MIS18BP1: variants seen among roughly 807,000 people sequenced by gnomAD.
The protein encoded by MIS18BP1 is mis18-binding protein 1.
MIS18BP1 carries 72 observed loss-of-function variants against 116.1 expected under a neutral mutation model. The ratio of observed to expected loss-of-function variants is 0.62; its 90% confidence interval spans 0.51 to 0.75. The LOEUF (loss-of-function observed/expected upper bound fraction) is 0.75. Among genes scored for constraint, MIS18BP1 ranks in the 30% least tolerant of loss-of-function variants. The probability of loss-of-function intolerance (pLI) is 0.00; values close to 1 mark genes in which losing one functional copy is unlikely to be tolerated. For synonymous variants in MIS18BP1, 386 were observed against 427.0 expected (o/e 0.90, Z 1.18); for missense variants, 1,363 against 1,303.2 (o/e 1.05, Z -0.71).
At chr14:45,222,535 T>C (rs754374600) in intron 11 of MIS18BP1, among the ~76,000 whole-genome samples, 1 of 152,236 alleles carries the variant, frequency 6.6e-6, no homozygotes, top group Non-Finnish European at 1.5e-5. Context: ...TTCAGTCTAC[T>C]ATCATTGTTG....
chr14:45,215,043 G>A (rs536730451), intron 13 of MIS18BP1, among the ~76,000 whole-genome samples: 24 of 152,264 alleles, frequency 1.6e-4, no homozygotes, highest in African/African-American at 5.5e-4. Flanking sequence ...GAGCCACCAT[G>A]CCCGGCAGTT....
At chr14:45,237,568 G>A (rs1221546646) in intron 5 of MIS18BP1, 80 bp downstream of exon 5, 4 of 1,472,270 alleles carry the variant, frequency 2.7e-6, no homozygotes, top group Non-Finnish European at 2.7e-6. Flanking sequence ...TGTGGAGGAT[G>A]CTATTTCTCA....
intron 4 of MIS18BP1, among the ~76,000 whole-genome samples, chr14:45,239,993 ATCTCACATTT>A (rs914224453): frequency 2.0e-5 from 3 of 152,156 alleles, no homozygotes; most frequent in South Asian, 2.1e-4. Context: ...AAGAATAAGA[ATCTCACATTT>A]TCTCACATTT....
intron 3 of MIS18BP1, 115 bp downstream of exon 3, chr14:45,242,646 G>A (rs190191905): frequency 4.8e-6 from 7 of 1,454,530 alleles, no homozygotes; most frequent in East Asian, 2.3e-5. Context: ...TCTCTTTTAC[G>A]ATTCAAGCTT....
chr14:45,248,044 T>G (rs1439815181), intron 1 of MIS18BP1, among the ~76,000 whole-genome samples: 3 of 151,040 alleles, frequency 2.0e-5, no homozygotes, highest in Admixed American at 6.6e-5. Context: ...AGTTTTAGTC[T>G]TGTTTCTTTC....
intron 8 of MIS18BP1, 100 bp downstream of exon 8, chr14:45,231,041 A>T (rs1403587646): frequency 1.6e-6 from 2 of 1,263,536 alleles, no homozygotes; most frequent in Non-Finnish European, 2.2e-6. Flanking sequence ...AGAATACTAT[A>T]CTATACACAT....
At chr14:45,243,883 C>G (rs772771793) in intron 2 of MIS18BP1, among the ~76,000 whole-genome samples, 3 of 152,058 alleles carry the variant, frequency 2.0e-5, no homozygotes, top group Non-Finnish European at 2.9e-5. Context: ...TTTATATTTT[C>G]TGGGGGAAAG....
intron 11 of MIS18BP1, among the ~76,000 whole-genome samples, chr14:45,221,295 G>A (rs529109226): frequency 2.0e-5 from 3 of 151,978 alleles, no homozygotes; most frequent in Non-Finnish European, 4.4e-5. Context: ...AAAATTAGCC[G>A]GCGTGGTCGC....
Position 45,204,411 on chromosome 14 carries a change from G to C in MIS18BP1, c.3283C>G (p.Pro1095Ala), listed in dbSNP as rs759248060. Reference protein sequence around the residue: ...FSTPTPRRKTPFNTDLGENSG... With the variant: ...FSTPTPRRKTAFNTDLGENSG... Reference sequence around the variant, plus strand: ...GTAAGTGTATTACCTGTGTTAAATGGGGTTTTCCTTCTTGGTGTTGGAGTT... The same window carrying C: ...GTAAGTGTATTACCTGTGTTAAATGCGGTTTTCCTTCTTGGTGTTGGAGTT... Residue 1095 changes from proline (P) to alanine (A), a missense_variant, in exon 16 of 17, where the codon CCA (proline) becomes GCA (alanine). By Grantham distance (27) the Pro-to-Ala change is conservative. Transcript: ENST00000310806. The C allele has an allele frequency of 8.2e-5, 131 of 1,606,002 alleles. No individual in the cohort carries two copies. The highest frequency in any genetic ancestry group is 9.4e-5 in the Non-Finnish European group (111 of 1,177,130).
chr14:45,240,159 A>G (rs1411354319), intron 4 of MIS18BP1, among the ~76,000 whole-genome samples: 1 of 151,904 alleles, frequency 6.6e-6, no homozygotes, highest in Non-Finnish European at 1.5e-5. Flanking sequence ...GACACTGGAA[A>G]TACAGCCTAG....
Position 45,236,359 on chromosome 14 carries a change from C to T in MIS18BP1, c.1218-415G>A, listed in dbSNP as rs745762714. Among the ~76,000 whole-genome samples, 16 of 152,184 alleles carry T rather than the reference C, an allele frequency of 1.1e-4. No individual in the cohort carries two copies. In the South Asian group the frequency reaches 2.1e-3, roughly 20 times the overall value. On this transcript the variant is annotated intron_variant, in intron 5 of 16. Transcript: ENST00000310806. ...TCCAGCTAATCTGGTGTTTTTTCAC[C>T]CTGGCTATACAGCCAAATGTTTTTA...
At chr14:45,227,898 T>C (rs1566812585) in intron 8 of MIS18BP1, 84 bp from the exon 9 acceptor site, 2 of 1,396,582 alleles carry the variant, frequency 1.4e-6, no homozygotes, top group African/African-American at 1.4e-5. Context: ...ACTTTGACGC[T>C]AGGTGTGGTG....
At chr14:45,234,559 C>T (rs1891372600) in intron 6 of MIS18BP1, among the ~76,000 whole-genome samples, 1 of 152,124 alleles carries the variant, frequency 6.6e-6, no homozygotes, top group Non-Finnish European at 1.5e-5. Flanking sequence ...TGCCCTCTCC[C>T]CTACTTTGCC....
intron 13 of MIS18BP1, among the ~76,000 whole-genome samples, chr14:45,213,923 G>A (rs1222765030): frequency 6.6e-6 from 1 of 152,208 alleles, no homozygotes; most frequent in Admixed American, 6.5e-5. Context: ...TATGCAGAAT[G>A]TGCTTTGCTA....
intron 1 of MIS18BP1, among the ~76,000 whole-genome samples, chr14:45,248,779 C>A (rs924076297): frequency 2.6e-5 from 4 of 152,150 alleles, no homozygotes; most frequent in African/African-American, 9.7e-5. Flanking sequence ...GTCTGGAGTT[C>A]CTAAAAACCA....
At chr14:45,206,338 G>A (rs1268557459) in intron 14 of MIS18BP1, 168 bp from the exon 15 acceptor site, 2 of 544,740 alleles carry the variant, frequency 3.7e-6, no homozygotes, top group Non-Finnish European at 6.6e-6. Context: ...CCAGGCTGGA[G>A]TGCAGTAACA....
rs373555343 is a variant in MIS18BP1 at position 45,217,124 on chromosome 14, T to C, written c.2898A>G (p.Gly966=). Residue 966 remains glycine (G), a synonymous_variant, in exon 13 of 17, where the codon GGA becomes GGG. Transcript: ENST00000310806. ...KQTIKITAKV[G]TLKRKQQMRE... ...TCATCTGTTGCTTCCTTTTAAGAGTTCCCACTTTGGCAGTTATCTTAATAG... is the reference window on the plus strand; with the variant it reads ...TCATCTGTTGCTTCCTTTTAAGAGTCCCCACTTTGGCAGTTATCTTAATAG... 7.4e-6 allele frequency: 12 copies of C among 1,614,036 alleles called. No individual in the cohort carries two copies. Among genetic ancestry groups the C allele is most frequent in the East Asian group, 4.5e-5 (2 of 44,886 alleles).
Position 45,247,195 on chromosome 14 carries a change from A to G in MIS18BP1, c.92T>C (p.Phe31Ser), listed in dbSNP as rs143625571. ...RRNLPMDAIF[F>S]DSIPSGTLTP... ...AAGTGTGCCTGAAGGAATGCTGTCA[A>G]AAAAGATTGCATCCATGGGTAGATT... Residue 31 changes from phenylalanine (F) to serine (S), a missense_variant, in exon 2 of 17, where the codon TTT (phenylalanine) becomes TCT (serine). Physicochemically the swap from Phe to Ser is radical, Grantham distance 155. Coordinates refer to ENST00000310806, the MANE Select transcript of MIS18BP1 (RefSeq NM_018353.5). 178 of 1,612,886 alleles carry G rather than the reference A, an allele frequency of 1.1e-4. No individual in the cohort carries two copies. Among genetic ancestry groups the G allele is most frequent in the Non-Finnish European group, 1.4e-4 (166 of 1,179,910 alleles).
At chr14:45,235,751 G>C (rs1306207602) in intron 6 of MIS18BP1, 63 bp downstream of exon 6, 42 of 1,421,470 alleles carry the variant, frequency 3.0e-5, no homozygotes, top group Non-Finnish European at 4.0e-5. Context: ...GTGTATTACT[G>C]TGAGAAACAT....
Sources: allele counts gnomAD v4.1 joint callset (sites outside exome capture counted in the v4.1 genomes callset), GRCh38; gene constraint gnomAD v4.1.1; transcripts MANE v1.5; gene names NCBI Gene and HGNC (gene_info 2026-07-23, HGNC 2026-07-21).